CHD1L: variants seen among roughly 807,000 people sequenced by gnomAD.
CHD1L encodes the protein chromodomain helicase DNA binding protein 1 like.
CHD1L carries 118 observed loss-of-function variants against 115.9 expected under a neutral mutation model. The ratio of observed to expected loss-of-function variants is 1.02; its 90% CI spans 0.88 to 1.19. The LOEUF (loss-of-function observed/expected upper bound fraction) is 1.19. Among genes scored for constraint, CHD1L ranks in the 50% most tolerant of loss-of-function variants. The pLI, the probability that CHD1L is intolerant of heterozygous loss-of-function variation, is 0.00. For synonymous variants in CHD1L, 411 were observed against 387.1 expected, an observed-to-expected ratio of 1.06 and a Z score of -0.72; for missense variants, 1,179 against 1,065.3, an observed-to-expected ratio of 1.11 and a Z score of -1.49.
chr1:147,282,761 TAA>T (rs1553962787), intron 15 of CHD1L, among the ~76,000 whole-genome samples: 1 of 152,174 alleles, frequency 6.6e-6, no homozygotes, highest in Non-Finnish European at 1.5e-5. Context: ...TAGAACAAAA[TAA>T]AGTCACACTC....
chr1:147,258,144 G>A (rs1311611428), intron 5 of CHD1L, among the ~76,000 whole-genome samples: 1 of 152,156 alleles, frequency 6.6e-6, no homozygotes, highest in Non-Finnish European at 1.5e-5. Flanking sequence ...GGCTGTGCAT[G>A]TTACAAATAT....
Position 147,264,548 on chromosome 1 carries a change from C to A in CHD1L, c.703C>A (p.Gln235Lys). The change falls in exon 7 of 23, where the codon CAA becomes AAA. Residue 235 changes from glutamine (Q) to lysine (K), a missense_variant. Gln to Lys is a moderately conservative substitution (Grantham distance 53). Coordinates refer to ENST00000369258, the MANE Select transcript of CHD1L (RefSeq NM_004284.6). ...FSKEEVGDFI[Q>K]RYQDIEKESE... Reference sequence around the variant, plus strand: ...CAAGGAAGAGGTGGGAGATTTTATTCAACGCTACCAGGATATTGAGAAAGA... The same window carrying A: ...CAAGGAAGAGGTGGGAGATTTTATTAAACGCTACCAGGATATTGAGAAAGA... The A allele has an allele frequency of 6.2e-7, 1 of 1,613,930 alleles. No homozygotes were observed. The highest frequency in any genetic ancestry group is 8.5e-7 in the Non-Finnish European group (1 of 1,179,942).
chr1:147,256,233 G>C (rs1670104443), intron 4 of CHD1L, among the ~76,000 whole-genome samples: 1 of 152,152 alleles, frequency 6.6e-6, no homozygotes. Flanking sequence ...GGGTTTTGTG[G>C]ACTGAGGAAT....
At chr1:147,241,398 T>C (rs10793654), upstream of CHD1L, among the ~76,000 whole-genome samples, 65,033 of 151,914 alleles carry the variant, frequency 0.43, 14,313 homozygotes, top group African/African-American at 0.54. Context: ...CCTTGTGACC[T>C]CTCACTCCTG....
At chr1:147,223,694 C>A in the CHD1L span, 1 of 190,534 alleles carries the variant, frequency 5.2e-6, no homozygotes, top group East Asian at 1.5e-4. Flanking sequence ...CATACAGCCC[C>A]AAAGAGACCT....
At chr1:147,278,719 G>A (rs1169668154) in intron 14 of CHD1L, among the ~76,000 whole-genome samples, 2 of 152,094 alleles carry the variant, frequency 1.3e-5, no homozygotes, top group East Asian at 3.9e-4. Flanking sequence ...TGTGCTGAGT[G>A]TTGTCTGAGG....
intron 11 of CHD1L, among the ~76,000 whole-genome samples, chr1:147,271,691 A>G (rs1676290694): frequency 6.6e-6 from 1 of 152,180 alleles, no homozygotes; most frequent in Non-Finnish European, 1.5e-5. Flanking sequence ...CCAGATGCAT[A>G]AACAGCCTGA....
At chr1:147,241,585 G>A (rs902606058), upstream of CHD1L, among the ~76,000 whole-genome samples, 4 of 152,064 alleles carry the variant, frequency 2.6e-5, no homozygotes, top group Non-Finnish European at 5.9e-5. Flanking sequence ...CTCTTCACAC[G>A]GACGCGCATG....
At chr1:147,281,958 C>T (rs1009058675) in intron 15 of CHD1L, among the ~76,000 whole-genome samples, 2 of 152,216 alleles carry the variant, frequency 1.3e-5, no homozygotes, top group African/African-American at 4.8e-5. Flanking sequence ...GAACACTTAA[C>T]GTCCACTCTC....
intron 1 of CHD1L, among the ~76,000 whole-genome samples, chr1:147,244,604 C>T (rs779691627): frequency 6.4e-4 from 97 of 152,000 alleles, no homozygotes; most frequent in Non-Finnish European, 9.3e-4. Flanking sequence ...TTAACATGTT[C>T]TCTATCCTGT....
At chr1:147,198,933 G>A in the CHD1L span, among the ~76,000 whole-genome samples, 1 of 150,718 alleles carries the variant, frequency 6.6e-6, no homozygotes, top group Non-Finnish European at 1.5e-5. Context: ...GAACTTTAAT[G>A]CCAGCCTATG....
upstream of CHD1L, among the ~76,000 whole-genome samples, chr1:147,238,980 C>T (rs72997577): frequency 0.017 from 2,623 of 152,268 alleles, 80 homozygotes; most frequent in African/African-American, 0.06. Flanking sequence ...ACTCCCAGAA[C>T]ATCCAAGAAT....
the CHD1L span, among the ~76,000 whole-genome samples, chr1:147,188,321 C>T: frequency 2.6e-5 from 4 of 151,746 alleles, no homozygotes; most frequent in Admixed American, 1.3e-4. Flanking sequence ...CTCAGGAGTT[C>T]GAGATCAGCC....
chr1:147,186,420 T>G, the CHD1L span: 3 of 905,412 alleles, frequency 3.3e-6, no homozygotes, highest in Non-Finnish European at 4.0e-6. Context: ...TGTAGGAACA[T>G]TATTTCTCTT....
chr1:147,292,232 C>T (rs587706768), intron 20 of CHD1L, among the ~76,000 whole-genome samples: 31 of 152,288 alleles, frequency 2.0e-4, no homozygotes, highest in African/African-American at 4.8e-4. Flanking sequence ...AGAACTCTGA[C>T]GGTTTCATTT....
At chr1:147,280,271 C>A in intron 15 of CHD1L, 80 bp downstream of exon 15, 1 of 1,412,860 alleles carries the variant, frequency 7.1e-7, no homozygotes, top group Non-Finnish European at 9.5e-7. Context: ...GTTTTGGATG[C>A]TGCTCTCTGG....
At chr1:147,230,761 T>C in the CHD1L span, among the ~76,000 whole-genome samples, 2 of 150,704 alleles carry the variant, frequency 1.3e-5, no homozygotes, top group Non-Finnish European at 2.9e-5. Context: ...TTGAGGAATT[T>C]ATCCATTTCT....
intron 12 of CHD1L, among the ~76,000 whole-genome samples, chr1:147,273,627 GT>G (rs2102702691): frequency 6.6e-6 from 1 of 152,258 alleles, no homozygotes; most frequent in African/African-American, 2.4e-5. Flanking sequence ...CGGGAAAACA[GT>G]TTTATTTATG....
chr1:147,196,752 CCT>C, the CHD1L span, among the ~76,000 whole-genome samples: 61 of 152,112 alleles, frequency 4.0e-4, no homozygotes, highest in African/African-American at 1.4e-3. Flanking sequence ...GTCTTTGCTC[CCT>C]GTCTTAGTTT....
Sources: gnomAD v4.1 joint callset for allele counts (sites outside exome capture counted in the v4.1 genomes callset) on GRCh38, gnomAD v4.1.1 for gene constraint, MANE v1.5 for transcripts, NCBI Gene and HGNC (gene_info 2026-07-23, HGNC 2026-07-21) for gene names.